Variants in MTM1 observed in about 807,000 individuals in gnomAD.
MTM1 encodes myotubularin.
A neutral mutation model predicts 52.1 loss-of-function variants in MTM1; 9 were observed. That is an observed-to-expected ratio of 0.17 (90% CI 0.10 to 0.30). The LOEUF (loss-of-function observed/expected upper bound fraction) is 0.30. Ranked by LOEUF, MTM1 falls within the 10% of genes least tolerant of loss-of-function variation. MTM1 has a pLI of 1.00. For synonymous variants in MTM1, 136 were observed against 163.8 expected, an observed-to-expected ratio of 0.83 and a Z score of 1.29; for missense variants, 277 against 470.7, an observed-to-expected ratio of 0.59 and a Z score of 3.81.
intron 14 of MTM1, among the ~76,000 whole-genome samples, 170 bp from the exon 15 acceptor site, chrX:150,671,258 T>C (rs2040391176): frequency 8.9e-6 from 1 of 111,967 alleles, no homozygotes; most frequent in Non-Finnish European, 1.9e-5. Flanking sequence ...CTCTGTGTTG[T>C]ACTTTCCTGT....
In MTM1 at chrX:150,659,654, A is replaced by G. The variant is rs397518445; in HGVS notation, c.1261-10A>G. Reference sequence around the variant, plus strand: ...TAATTAAAACAAATTATCTTCATCAATTTATTCAGCGAATAGGTCATGGTG... The same window carrying G: ...TAATTAAAACAAATTATCTTCATCAGTTTATTCAGCGAATAGGTCATGGTG... On this transcript the variant is annotated splice_polypyrimidine_tract_variant and intron_variant, in intron 11 of 14. Transcript: ENST00000370396. 2 of 1,197,713 alleles carry G rather than the reference A, an allele frequency of 1.7e-6. No homozygotes were observed. Among genetic ancestry groups the G allele is most frequent in the Non-Finnish European group, 2.3e-6 (2 of 882,872 alleles).
At chrX:150,663,663 AAT>A in intron 14 of MTM1, 54 bp downstream of exon 14, 1 of 1,091,005 alleles carries the variant, frequency 9.2e-7, no homozygotes, top group South Asian at 1.9e-5. Flanking sequence ...TGCCTTAGAT[AAT>A]GTTATTTGGT....
intron 1 of MTM1, among the ~76,000 whole-genome samples, chrX:150,578,575 G>A (rs1557411731): frequency 8.9e-6 from 1 of 112,186 alleles, no homozygotes; most frequent in Non-Finnish European, 1.9e-5. Context: ...TGAAGTAAGG[G>A]TAAAGATTCA....
intron 6 of MTM1, among the ~76,000 whole-genome samples, chrX:150,620,725 G>A (rs1603161315): frequency 9.0e-6 from 1 of 111,181 alleles, no homozygotes; most frequent in Non-Finnish European, 1.9e-5. Flanking sequence ...GTTTAAAGTC[G>A]TCACTGCTAT....
chrX:150,577,740 A>ACTGTGC (rs60118898), intron 1 of MTM1, among the ~76,000 whole-genome samples: 40,694 of 110,672 alleles, frequency 0.37, 6,597 homozygotes, highest in East Asian at 0.67. Flanking sequence ...CATTTTCTTA[A>ACTGTGC]CTGTGCCTGT....
chrX:150,620,633 T>A (rs1557413266), intron 6 of MTM1, among the ~76,000 whole-genome samples: 1 of 112,208 alleles, frequency 8.9e-6, no homozygotes, highest in Non-Finnish European at 1.9e-5. Flanking sequence ...TACCTCTGTC[T>A]TTTCCTTAAA....
intron 1 of MTM1, among the ~76,000 whole-genome samples, chrX:150,585,590 A>G (rs1253613733): frequency 1.8e-5 from 2 of 112,618 alleles, no homozygotes; most frequent in African/African-American, 3.2e-5. Flanking sequence ...AAATAGTTCA[A>G]TAAAATGCAG....
intron 1 of MTM1, among the ~76,000 whole-genome samples, chrX:150,576,360 A>G (rs180844029): frequency 9.0e-6 from 1 of 111,562 alleles, no homozygotes; most frequent in African/African-American, 3.3e-5. Context: ...ATGTCTGCCA[A>G]ATCTATAGCT....
At chrX:150,575,504 C>T (rs782742188) in intron 1 of MTM1, among the ~76,000 whole-genome samples, 2 of 112,086 alleles carry the variant, frequency 1.8e-5, no homozygotes, top group African/African-American at 3.2e-5. Context: ...GGGATGGGCC[C>T]GGAGAGCTTT....
chrX:150,652,666 C>CATATATATATATATATAT (rs2040045981), intron 10 of MTM1, among the ~76,000 whole-genome samples: 3 of 52,921 alleles, frequency 5.7e-5, no homozygotes, highest in African/African-American at 4.3e-4. Flanking sequence ...TATACACACA[C>CATATATATATATATATAT]ACACACACAC....
chrX:150,662,414 C>G (rs184112273), intron 13 of MTM1, among the ~76,000 whole-genome samples: 4 of 111,806 alleles, frequency 3.6e-5, no homozygotes, highest in African/African-American at 1.3e-4. Context: ...ACCTCTGCCC[C>G]CCAGGTTCAA....
chrX:150,630,676 C>A, intron 6 of MTM1, among the ~76,000 whole-genome samples: 1 of 110,643 alleles, frequency 9.0e-6, no homozygotes, highest in South Asian at 3.8e-4. Flanking sequence ...TAATATTTTT[C>A]CTGTATGTTT....
At position 150,672,120 on chromosome X, in the gene MTM1, A is replaced by G. The variant is rs181770909; in HGVS notation, c.*525A>G. The G allele has an allele frequency of 2.3e-3, 266 of 115,108 alleles. 2 individuals carry two copies. The highest frequency in any genetic ancestry group is 7.9e-3 in the African/African-American group (242 of 30,676). The allele number at this position is 115,108 out of a possible 1,213,427, so 9.5% of individuals were successfully genotyped here. A position where few individuals can be genotyped will look rare whatever the true frequency, so the allele number is the denominator to read the frequency against. ...AGTAATTGCCAGCTTTTATACCATC[A>G]TGAGTGGTGACTTAAGGAGAAATAG... On this transcript the variant is annotated 3_prime_UTR_variant, in exon 15 of 15. Coordinates refer to ENST00000370396, the MANE Select transcript of MTM1 (RefSeq NM_000252.3).
At position 150,583,639 on chromosome X, in the gene MTM1, ATAT is replaced by A. The variant is rs1485360557; in HGVS notation, c.-10-8965_-10-8963del. Among the ~76,000 whole-genome samples the A allele has an allele frequency of 5.4e-3, 184 of 33,947 alleles. 20 individuals carry two copies. The highest frequency in any genetic ancestry group is 0.027 in the African/African-American group (177 of 6,536). 29.5% of individuals were successfully genotyped at this position (33,947 alleles called of 115,157 possible). ...ATATATTATATATAATTTATATATA[ATAT>A]ATAATTTATATATATTATATATAAT... On this transcript the variant is annotated intron_variant, in intron 1 of 14. Transcript: ENST00000370396.
At chrX:150,608,730 AT>A (rs1557412890) in intron 4 of MTM1, among the ~76,000 whole-genome samples, 16 of 111,108 alleles carry the variant, frequency 1.4e-4, no homozygotes, top group African/African-American at 5.2e-4. Context: ...TGTACAGTAG[AT>A]CTCTGGAACT....
intron 3 of MTM1, among the ~76,000 whole-genome samples, chrX:150,597,793 TAAAAAG>T (rs1207363867): frequency 3.6e-5 from 4 of 111,747 alleles, no homozygotes; most frequent in Non-Finnish European, 7.5e-5. Flanking sequence ...TCTAGACTAT[TAAAAAG>T]AAAAAGGTTT....
intron 6 of MTM1, among the ~76,000 whole-genome samples, chrX:150,632,301 A>G (rs1446468523): frequency 1.8e-5 from 2 of 111,900 alleles, no homozygotes; most frequent in Non-Finnish European, 3.8e-5. Context: ...GTCTGTGGGC[A>G]TGCAAAGAGG....
At chrX:150,637,413 A>G (rs1378476413) in intron 6 of MTM1, among the ~76,000 whole-genome samples, 1 of 111,137 alleles carries the variant, frequency 9.0e-6, no homozygotes, top group African/African-American at 3.3e-5. Context: ...TCATGTCTTC[A>G]TTCGGTCAGC....
intron 1 of MTM1, among the ~76,000 whole-genome samples, chrX:150,584,163 G>A (rs188328980): frequency 9.6e-6 from 1 of 104,623 alleles, no homozygotes; most frequent in East Asian, 2.9e-4. Context: ...TAAAAGCACT[G>A]TTTATAATTG....
Sources: gnomAD v4.1 joint callset for allele counts (sites outside exome capture counted in the v4.1 genomes callset) on GRCh38, gnomAD v4.1.1 for gene constraint, MANE v1.5 for transcripts, NCBI Gene and HGNC (gene_info 2026-07-23, HGNC 2026-07-21) for gene names.